FGF12: variants seen among roughly 807,000 people sequenced by gnomAD.
The protein encoded by FGF12 is fibroblast growth factor 12B.
Under a neutral mutation model 23.6 loss-of-function variants are expected in FGF12, and 14 were observed. That is an observed-to-expected ratio of 0.59 (90% CI 0.39 to 0.93). The LOEUF (loss-of-function observed/expected upper bound fraction) is 0.93, where lower values mean the gene tolerates loss of function less well. FGF12 is among the 40% of genes least tolerant of loss of function. The pLI, the probability that FGF12 is intolerant of heterozygous loss-of-function variation, is 0.00. For missense variants in FGF12, 175 were observed against 217.8 expected (o/e 0.80, Z 1.24); for synonymous variants, 62 against 77.3 (o/e 0.80, Z 1.04).
chr3:192,261,387 C>CTCTAAGAG lies in FGF12; in HGVS notation c.228+73966_228+73973dup, dbSNP rs200997353. Among the ~76,000 whole-genome samples the CTCTAAGAG allele has an allele frequency of 4.3e-3, 659 of 152,264 alleles. 4 individuals are homozygous for CTCTAAGAG. Among genetic ancestry groups the CTCTAAGAG allele is most frequent in the African/African-American group, 0.015 (625 of 41,558 alleles). On this transcript the variant is annotated intron_variant, in intron 4 of 5. Coordinates refer to ENST00000445105, the MANE Select transcript of FGF12 (RefSeq NM_004113.6). ...AACACAGCATCTAGGTAGTAAGAGA[C>CTCTAAGAG]TCTAAGAGGAGCTAATGCTATACTT...
chr3:192,246,940 GAA>G (rs1469131674), intron 4 of FGF12, among the ~76,000 whole-genome samples: 3 of 82,910 alleles, frequency 3.6e-5, no homozygotes, highest in African/African-American at 1.2e-4. Flanking sequence ...AAGAAGGAAA[GAA>G]AGAAAAAGAA....
At chr3:192,652,284 A>C (rs1217539341) in intron 2 of FGF12, among the ~76,000 whole-genome samples, 2 of 152,156 alleles carry the variant, frequency 1.3e-5, no homozygotes, top group Non-Finnish European at 2.9e-5. Context: ...GGCCTTGAAG[A>C]GGGAGGAGTA....
intron 3 of FGF12, among the ~76,000 whole-genome samples, chr3:192,343,260 G>A (rs1458947818): frequency 6.6e-6 from 1 of 152,076 alleles, no homozygotes; most frequent in East Asian, 1.9e-4. Flanking sequence ...AGATATTTGG[G>A]TTTATAATCT....
At chr3:192,278,380 T>C (rs1713929525) in intron 4 of FGF12, among the ~76,000 whole-genome samples, 1 of 152,170 alleles carries the variant, frequency 6.6e-6, no homozygotes, top group Non-Finnish European at 1.5e-5. Context: ...AGGGCTTCAA[T>C]AGGGCCATGG....
intron 3 of FGF12, among the ~76,000 whole-genome samples, chr3:192,347,711 A>G (rs1007002435): frequency 6.6e-6 from 1 of 152,170 alleles, no homozygotes; most frequent in Admixed American, 6.5e-5. Context: ...AGAGTGCTGA[A>G]ACTACAGATG....
At chr3:192,167,751 ATATATATATATATATATAAAATTTTT>A (rs1271575767) in intron 5 of FGF12, among the ~76,000 whole-genome samples, 4 of 26,728 alleles carry the variant, frequency 1.5e-4, no homozygotes, top group Non-Finnish European at 2.1e-4. Flanking sequence ...ATATATATAT[ATATATATATATATATATAAAATTTTT>A]TTTTTTTTTT....
At chr3:192,226,196 T>C (rs1718723784) in intron 4 of FGF12, among the ~76,000 whole-genome samples, 1 of 152,174 alleles carries the variant, frequency 6.6e-6, no homozygotes, top group Non-Finnish European at 1.5e-5. Context: ...AAGTGAACCA[T>C]TGCTCTTTTG....
intron 4 of FGF12, among the ~76,000 whole-genome samples, chr3:192,196,643 A>G (rs1385567974): frequency 3.9e-5 from 6 of 152,188 alleles, no homozygotes; most frequent in Non-Finnish European, 8.8e-5. Context: ...AATAACTAAA[A>G]TATTCTAGGG....
Position 192,242,419 on chromosome 3 carries a change from G to C in FGF12, c.229-71763C>G, listed in dbSNP as rs79822601. ...ATGAACATTGCCAATTTTCCCCTTG[G>C]GGGTATCAAAATTGTTCCAATTGAG... On this transcript the variant is annotated intron_variant, in intron 4 of 5. Transcript: ENST00000445105. Among the ~76,000 whole-genome samples, 1,003 of 152,104 alleles carry C rather than the reference G, an allele frequency of 6.6e-3. 4 individuals are homozygous for C. Among genetic ancestry groups the C allele is most frequent in the African/African-American group, 0.023 (960 of 41,494 alleles).
chr3:192,202,491 A>G (rs1717422296), intron 4 of FGF12, among the ~76,000 whole-genome samples: 1 of 152,236 alleles, frequency 6.6e-6, no homozygotes, highest in African/African-American at 2.4e-5. Flanking sequence ...CTGTTTTTTA[A>G]TTGAAATAAG....
chr3:192,167,176 A>AC (rs1715211525), intron 5 of FGF12, among the ~76,000 whole-genome samples: 1 of 151,932 alleles, frequency 6.6e-6, no homozygotes, highest in Admixed American at 6.6e-5. Flanking sequence ...AAAAAAAAAA[A>AC]AAAAAAAGAC....
chr3:192,329,059 A>T (rs901652601), intron 4 of FGF12, among the ~76,000 whole-genome samples: 2 of 152,182 alleles, frequency 1.3e-5, no homozygotes, highest in Non-Finnish European at 2.9e-5. Flanking sequence ...TTCAAAATTC[A>T]ACAAGTCTTT....
chr3:192,191,713 G>T (rs1053598032), intron 4 of FGF12, among the ~76,000 whole-genome samples: 1 of 152,034 alleles, frequency 6.6e-6, no homozygotes. Context: ...GCAGGCGCCT[G>T]TAGTCCCAGC....
At chr3:192,503,485 T>C (rs1314763072) in intron 2 of FGF12, among the ~76,000 whole-genome samples, 1 of 152,036 alleles carries the variant, frequency 6.6e-6, no homozygotes, top group South Asian at 2.1e-4. Context: ...TACTGCCCAA[T>C]ACCATTTTAC....
intron 2 of FGF12, among the ~76,000 whole-genome samples, chr3:192,382,383 T>A (rs1369000258): frequency 3.3e-5 from 5 of 152,222 alleles, no homozygotes; most frequent in Admixed American, 6.5e-5. Context: ...GTACCCATTT[T>A]GCCAATGGTG....
intron 2 of FGF12, among the ~76,000 whole-genome samples, chr3:192,702,385 G>T (rs1389666847): frequency 6.6e-6 from 1 of 152,142 alleles, no homozygotes; most frequent in Admixed American, 6.5e-5. Context: ...AAGTGTTAGA[G>T]AAATTCACCT....
In FGF12 at chr3:192,520,725, C is replaced by T. The variant is rs114764738; in HGVS notation, c.14-160187G>A. Among the ~76,000 whole-genome samples, 641 of 152,132 alleles carry T rather than the reference C, an allele frequency of 4.2e-3. 1 individual carries two copies. Among genetic ancestry groups the T allele is most frequent in the Non-Finnish European group, 6.3e-3 (426 of 67,992 alleles). ...TTACCAAAAAGTATAGCTTGATAAT[C>T]GTTATTCCCTCATTATCCCTCCTGG... On this transcript the variant is annotated intron_variant, in intron 2 of 5. Coordinates refer to ENST00000445105, the MANE Select transcript of FGF12 (RefSeq NM_004113.6).
At position 192,287,805 on chromosome 3, in the gene FGF12, A is replaced by T. The variant is rs529354514; in HGVS notation, c.228+47556T>A. 2.0e-5 allele frequency among the ~76,000 whole-genome samples: 3 copies of T among 152,214 alleles called. No individual in the cohort carries two copies. The South Asian group carries it at 6.2e-4, about 31-fold the overall frequency. On this transcript the variant is annotated intron_variant, in intron 4 of 5. Transcript: ENST00000445105. ...TTTGCTTTTGAGATGCTCACTGTCTACTGGTGGAAAGGGATACATTATCTT... is the reference window on the plus strand; with the variant it reads ...TTTGCTTTTGAGATGCTCACTGTCTTCTGGTGGAAAGGGATACATTATCTT...
intron 2 of FGF12, among the ~76,000 whole-genome samples, chr3:192,642,943 T>G (rs1360785046): frequency 1.3e-5 from 2 of 152,216 alleles, no homozygotes; most frequent in African/African-American, 4.8e-5. Flanking sequence ...TTGATTCCTT[T>G]TTACTACTAA....
Sources: gnomAD v4.1 joint callset for allele counts (sites outside exome capture counted in the v4.1 genomes callset) on GRCh38, gnomAD v4.1.1 for gene constraint, MANE v1.5 for transcripts, NCBI Gene and HGNC (gene_info 2026-07-23, HGNC 2026-07-21) for gene names.